Variants in MTMR12 observed in about 807,000 individuals in gnomAD.
MTMR12 encodes myotubularin related protein 12.
A neutral mutation model predicts 96.7 loss-of-function variants in MTMR12; 33 were observed. That is an observed-to-expected ratio of 0.34 (90% CI 0.26 to 0.46). The LOEUF (loss-of-function observed/expected upper bound fraction) is 0.46, where lower values mean the gene tolerates loss of function less well. MTMR12 is among the 20% of genes least tolerant of loss of function. The probability of loss-of-function intolerance (pLI) is 1.00; values close to 1 mark genes in which losing one functional copy is unlikely to be tolerated. For missense variants in MTMR12, 721 were observed against 896.1 expected, an observed-to-expected ratio of 0.80 and a Z score of 2.49; for synonymous variants, 298 against 327.2, an observed-to-expected ratio of 0.91 and a Z score of 0.96.
rs1749320332 is a variant in MTMR12 at position 32,260,427 on chromosome 5, A to G, written c.713+2686T>C. 2.0e-5 allele frequency among the ~76,000 whole-genome samples: 3 copies of G among 151,768 alleles called. 1 individual carries two copies. Among genetic ancestry groups the G allele is most frequent in the Admixed American group, 6.6e-5 (1 of 15,186 alleles). The stretch of plus-strand genomic sequence containing the variant: ...TGAAACAAACCACAGCTTTTCCTGT[A>G]TATTTCTGACATGCTAACACCTATG... On this transcript the variant is annotated intron_variant, in intron 7 of 15. Coordinates refer to ENST00000382142, the MANE Select transcript of MTMR12 (RefSeq NM_001040446.3).
At chr5:32,270,792 C>G in intron 5 of MTMR12, 25 bp downstream of exon 5, 1 of 1,584,274 alleles carries the variant, frequency 6.3e-7, no homozygotes, top group South Asian at 1.2e-5. Flanking sequence ...GGAAATAAAA[C>G]CTAAAAACAC....
chr5:32,296,109 A>G (rs926517990), intron 1 of MTMR12, among the ~76,000 whole-genome samples: 15 of 152,094 alleles, frequency 9.9e-5, no homozygotes, highest in Admixed American at 1.3e-4. Context: ...CAGTTAGCTG[A>G]GATCACGCCA....
intron 1 of MTMR12, 130 bp from the exon 2 acceptor site, chr5:32,276,872 ACTTTTTTTT>A: frequency 3.4e-6 from 1 of 298,324 alleles, no homozygotes; most frequent in Non-Finnish European, 5.8e-6. Context: ...GTTACAAGCT[ACTTTTTTTT>A]TTTTTTTTTT....
chr5:32,293,276 A>G (rs2112135893), intron 1 of MTMR12, among the ~76,000 whole-genome samples: 1 of 152,318 alleles, frequency 6.6e-6, no homozygotes, highest in Non-Finnish European at 1.5e-5. Flanking sequence ...CATTTGAGTC[A>G]GTGGGCTGGG....
chr5:32,282,087 C>T (rs1750318895), intron 1 of MTMR12, among the ~76,000 whole-genome samples: 1 of 151,884 alleles, frequency 6.6e-6, no homozygotes, highest in Non-Finnish European at 1.5e-5. Context: ...TGTACTCAAT[C>T]ATCACGAGCA....
intron 10 of MTMR12, among the ~76,000 whole-genome samples, chr5:32,247,242 T>C (rs551756974): frequency 2.0e-5 from 3 of 152,166 alleles, no homozygotes; most frequent in African/African-American, 7.2e-5. Flanking sequence ...CCCAGCTACT[T>C]GGGAGGCAGA....
chr5:32,268,719 C>T lies in MTMR12; in HGVS notation c.565G>A (p.Ala189Thr). 1 of 1,613,714 alleles carries T rather than the reference C, an allele frequency of 6.2e-7. No homozygotes were observed. The highest frequency in any genetic ancestry group is 8.5e-7 in the Non-Finnish European group (1 of 1,179,672). The change falls in exon 6 of 16, where the codon GCT becomes ACT. Residue 189 changes from alanine to threonine, a missense_variant. Physicochemically the swap from Ala to Thr is moderately conservative, Grantham distance 58. Coordinates refer to ENST00000382142, the MANE Select transcript of MTMR12 (RefSeq NM_001040446.3). The part of the protein sequence containing the change: ...KRLFLFSYAT[A>T]AQNNTVTDPK... ...TATTTACCTGTATTGTTTTGTGCAG[C>T]AGTCGCATAGGAAAACAGAAATAAT...
chr5:32,252,980 T>A (rs1748999597), intron 8 of MTMR12, among the ~76,000 whole-genome samples: 1 of 152,200 alleles, frequency 6.6e-6, no homozygotes, highest in Non-Finnish European at 1.5e-5. Flanking sequence ...TTTCTGTAAG[T>A]CTCTTAAGAG....
At chr5:32,271,513 C>T (rs1749831837) in intron 4 of MTMR12, among the ~76,000 whole-genome samples, 1 of 152,114 alleles carries the variant, frequency 6.6e-6, no homozygotes, top group South Asian at 2.1e-4. Flanking sequence ...TACAACAGAC[C>T]TTTTTATCAG....
chr5:32,244,319 G>A (rs1748592752), intron 10 of MTMR12, among the ~76,000 whole-genome samples: 1 of 151,744 alleles, frequency 6.6e-6, no homozygotes, highest in Non-Finnish European at 1.5e-5. Flanking sequence ...GCCAGATGTG[G>A]TGGCTCACGC....
intron 5 of MTMR12, 23 bp from the exon 6 acceptor site, chr5:32,268,817 A>G (rs374297951): frequency 5.7e-6 from 9 of 1,577,480 alleles, no homozygotes; most frequent in Middle Eastern, 1.7e-4. Context: ...CGAACAATGG[A>G]TATAGTTATG....
At position 32,268,812 on chromosome 5, in the gene MTMR12, A is replaced by G; in HGVS notation, c.490-18T>C. Reference sequence around the variant, plus strand: ...CTGACAATCTAAAAAAGAATCGAACAATGGATATAGTTATGGTTTTGACAG... The same window carrying G: ...CTGACAATCTAAAAAAGAATCGAACGATGGATATAGTTATGGTTTTGACAG... On this transcript the variant is annotated intron_variant, in intron 5 of 15. Coordinates refer to ENST00000382142, the MANE Select transcript of MTMR12 (RefSeq NM_001040446.3). 6.3e-7 allele frequency: 1 copy of G among 1,583,476 alleles called. No individual in the cohort carries two copies. Among genetic ancestry groups the G allele is most frequent in the East Asian group, 2.2e-5 (1 of 44,712 alleles).
intron 1 of MTMR12, among the ~76,000 whole-genome samples, chr5:32,279,531 A>G (rs1322466241): frequency 6.6e-6 from 1 of 152,206 alleles, no homozygotes; most frequent in Non-Finnish European, 1.5e-5. Context: ...TCCCATTGCA[A>G]AAGAGAAAAT....
Position 32,295,948 on chromosome 5 carries a change from G to A in MTMR12, c.81+16810C>T, listed in dbSNP as rs534071791. 5.9e-5 allele frequency among the ~76,000 whole-genome samples: 9 copies of A among 152,232 alleles called. No homozygotes were observed. The South Asian group carries it at 1.9e-3, about 32-fold the overall frequency. On this transcript the variant is annotated intron_variant, in intron 1 of 15. Transcript: ENST00000382142. ...GCGGGCAGATCACCTGATGTTAGGA[G>A]TTCGAGACCGGCCTGGCCAATATGG...
At chr5:32,276,815 A>G (rs1384518633) in intron 1 of MTMR12, 73 bp from the exon 2 acceptor site, 1 of 1,180,070 alleles carries the variant, frequency 8.5e-7, no homozygotes, top group East Asian at 2.5e-5. Flanking sequence ...CCATGCTTTC[A>G]GAATACACAC....
chr5:32,281,715 C>T (rs144134229), intron 1 of MTMR12, among the ~76,000 whole-genome samples: 2,114 of 151,938 alleles, frequency 0.014, 42 homozygotes, highest in African/African-American at 0.048. Context: ...GCCTGACCAA[C>T]GTGCTGAAAC....
chr5:32,278,124 A>G (rs1410558112), intron 1 of MTMR12, among the ~76,000 whole-genome samples: 1 of 152,238 alleles, frequency 6.6e-6, no homozygotes, highest in African/African-American at 2.4e-5. Context: ...GACCAAAGCA[A>G]TGATCATATA....
intron 1 of MTMR12, among the ~76,000 whole-genome samples, chr5:32,283,721 G>C (rs1750401385): frequency 6.6e-6 from 1 of 152,280 alleles, no homozygotes; most frequent in African/African-American, 2.4e-5. Flanking sequence ...GGAAAGCCTC[G>C]AATGAGAGTT....
intron 8 of MTMR12, among the ~76,000 whole-genome samples, chr5:32,250,290 GA>G (rs150158492): frequency 0.032 from 4,853 of 152,276 alleles, 265 homozygotes; most frequent in African/African-American, 0.11. Context: ...AATGGGAGCT[GA>G]TGGTCTGCTG....
Sources: gnomAD v4.1 joint callset for allele counts (sites outside exome capture counted in the v4.1 genomes callset) on GRCh38, gnomAD v4.1.1 for gene constraint, MANE v1.5 for transcripts, NCBI Gene and HGNC (gene_info 2026-07-23, HGNC 2026-07-21) for gene names.